The following EP400 variants were observed in gnomAD, a reference collection of about 807,000 sequenced individuals.
EP400 encodes E1A binding protein p400, also known as E1A-binding protein p400.
EP400 carries 105 observed loss-of-function variants against 354.1 expected under a neutral mutation model. The observed-to-expected ratio is 0.30, with a 90% CI of 0.25 to 0.35. The LOEUF (loss-of-function observed/expected upper bound fraction) is 0.35, where lower values mean the gene tolerates loss of function less well. Among genes scored for constraint, EP400 ranks in the 10% least tolerant of loss-of-function variants. EP400 has a pLI of 1.00. For missense variants in EP400, 3,280 were observed against 4,121.0 expected (o/e 0.80, Z 5.59); for synonymous variants, 1,646 against 1,716.9 (o/e 0.96, Z 1.02).
intron 2 of EP400, among the ~76,000 whole-genome samples, chr12:131,972,144 T>C (rs1218421702): frequency 6.9e-6 from 1 of 145,944 alleles, no homozygotes; most frequent in African/African-American, 2.7e-5. Flanking sequence ...TACTTTCTTT[T>C]TCTTTTTCTT....
rs2136586378 is a variant in EP400, at chr12:132,050,209, G to A, written c.7201-114G>A. The A allele has an allele frequency of 7.7e-7, 1 of 1,297,112 alleles. No homozygotes were observed. Among genetic ancestry groups the A allele is most frequent in the Non-Finnish European group, 1.1e-6 (1 of 939,710 alleles). The allele number at this position is 1,297,112 out of a possible 1,614,324, so 80.4% of individuals were successfully genotyped here. ...AAGAAGGCCCAGGAAAAGGAAGTTT[G>A]TGTTCAGCCATGGGGAGTTTAGCCT... On this transcript the variant is annotated intron_variant, in intron 39 of 52. Coordinates refer to ENST00000389561, the MANE Select transcript of EP400 (RefSeq NM_015409.5). This position sits in a 1 kb window ranked among gnomAD's most constrained non-coding sequence, Gnocchi z 4.8.
chr12:132,044,712 G>A lies in EP400; in HGVS notation c.6627G>A (p.Met2209Ile), dbSNP rs2136577599. ...ATGTCGATGGGCAGACAGAAGTCAT[G>A]CCGGTGAGTGCTGCCCTCTCCCTTT... Reference protein sequence around the residue: ...YEDVDGQTEVMPLWTPPTPPQ... With the variant: ...YEDVDGQTEVIPLWTPPTPPQ... The change falls in exon 36 of 53, where the codon ATG becomes ATA. Residue 2209 changes from methionine (M) to isoleucine (I), a missense_variant. Transcript: ENST00000389561. 6.2e-7 allele frequency: 1 copy of A among 1,614,194 alleles called. No homozygotes were observed. Among genetic ancestry groups the A allele is most frequent in the Admixed American group, 1.7e-5 (1 of 60,030 alleles).
At chr12:132,023,237 A>G (rs954750211) in intron 23 of EP400, among the ~76,000 whole-genome samples, 2 of 147,308 alleles carry the variant, frequency 1.4e-5, no homozygotes, top group Non-Finnish European at 3.0e-5. Flanking sequence ...GGTTCAAGCA[A>G]TTCTTCTGCC....
chr12:132,044,586 TA>T, intron 35 of EP400, 84 bp from the exon 36 acceptor site: 2 of 1,514,006 alleles, frequency 1.3e-6, no homozygotes, highest in Admixed American at 1.8e-5. Context: ...TTGAAAGACT[TA>T]ATGAGTATGA....
At chr12:131,978,350 G>A (rs1467034753) in intron 2 of EP400, among the ~76,000 whole-genome samples, 4 of 152,084 alleles carry the variant, frequency 2.6e-5, no homozygotes, top group Non-Finnish European at 5.9e-5. Context: ...GCATAGTACT[G>A]TAGTTTCACC....
chr12:131,979,404 C>T (rs546888125), intron 2 of EP400, among the ~76,000 whole-genome samples: 4 of 152,002 alleles, frequency 2.6e-5, no homozygotes, highest in Non-Finnish European at 4.4e-5. Flanking sequence ...CAGCATTAGC[C>T]CTTTTGTTGT....
At chr12:131,962,491 A>G (rs1015966461) in intron 2 of EP400, among the ~76,000 whole-genome samples, 3 of 152,252 alleles carry the variant, frequency 2.0e-5, no homozygotes, top group African/African-American at 7.2e-5. Flanking sequence ...ATGTATGTAT[A>G]TGGGACCTTC....
In EP400 at chr12:131,995,684, T is replaced by TC. The variant is rs1457761932; in HGVS notation, c.2827+730dup. On this transcript the variant is annotated intron_variant, in intron 12 of 52. Transcript: ENST00000389561. ...TGTGTGAGAACTTCACGTGAATGAATCCACCACAGCTTGACTGAATGTGCC... is the reference window on the plus strand; with the variant it reads ...TGTGTGAGAACTTCACGTGAATGAATCCCACCACAGCTTGACTGAATGTGCC... 1.5e-3 allele frequency among the ~76,000 whole-genome samples: 211 copies of TC among 144,134 alleles called. 2 individuals carry two copies. Among genetic ancestry groups the TC allele is most frequent in the African/African-American group, 5.5e-3 (206 of 37,348 alleles). 94.6% of individuals were successfully genotyped at this position (144,134 alleles called of 152,430 possible). A position where few individuals can be genotyped will look rare whatever the true frequency, so the allele number is the denominator to read the frequency against.
Position 131,972,452 on chromosome 12 carries a change from C to T in EP400, c.1336-7242C>T, listed in dbSNP as rs117572022. On this transcript the variant is annotated intron_variant, in intron 2 of 52. Coordinates refer to ENST00000389561, the MANE Select transcript of EP400 (RefSeq NM_015409.5). Reference sequence around the variant, plus strand: ...ACAGGCGTGAGCCACCGCACCTGGCCGAGTTTTATTACTAATAGCCAATTG... The same window carrying T: ...ACAGGCGTGAGCCACCGCACCTGGCTGAGTTTTATTACTAATAGCCAATTG... Among the ~76,000 whole-genome samples the T allele has an allele frequency of 7.2e-3, 1,087 of 151,942 alleles. 35 individuals are homozygous for T. In the South Asian group the frequency reaches 0.094, roughly 13 times the overall value.
chr12:132,014,191 G>C (rs1256920057), intron 19 of EP400, among the ~76,000 whole-genome samples: 1 of 152,206 alleles, frequency 6.6e-6, no homozygotes, highest in Non-Finnish European at 1.5e-5. Context: ...TCCCTGTGTT[G>C]CCCAGAGAAT....
Position 132,045,590 on chromosome 12 carries a change from T to C in EP400, c.7026+30T>C, listed in dbSNP as rs773937510. The C allele has an allele frequency of 1.9e-6, 3 of 1,610,400 alleles. No homozygotes were observed. In the East Asian group the frequency reaches 6.7e-5, roughly 36 times the overall value. ...GTGGGCGTGGTCTTTGTGCCAGCGGTCATGTGCGGTCATTTTTCTAACGCA... is the reference window on the plus strand; with the variant it reads ...GTGGGCGTGGTCTTTGTGCCAGCGGCCATGTGCGGTCATTTTTCTAACGCA... On this transcript the variant is annotated intron_variant, in intron 38 of 52. Coordinates refer to ENST00000389561, the MANE Select transcript of EP400 (RefSeq NM_015409.5).
rs369027468 is a variant in EP400 at position 132,025,051 on chromosome 12, C to CTT, written c.4856-585_4856-584dup. Among the ~76,000 whole-genome samples, 1 of 147,560 alleles carries CTT rather than the reference C, an allele frequency of 6.8e-6. No homozygotes were observed. Among genetic ancestry groups the CTT allele is most frequent in the Non-Finnish European group, 1.5e-5 (1 of 66,418 alleles). ...GAAACGATTCAGTCTGGTTTACTTCCTTTTTTTTTTTCTTAAAACAAAACA... is the reference window on the plus strand; with the variant it reads ...GAAACGATTCAGTCTGGTTTACTTCCTTTTTTTTTTTTTCTTAAAACAAAACA... On this transcript the variant is annotated intron_variant, in intron 24 of 52. Coordinates refer to ENST00000389561, the MANE Select transcript of EP400 (RefSeq NM_015409.5). The surrounding 1 kb of genome is among the most constrained non-coding windows in gnomAD (Gnocchi z 4.1).
chr12:132,026,380 T>C (rs1402974899), intron 25 of EP400, among the ~76,000 whole-genome samples: 1 of 152,150 alleles, frequency 6.6e-6, no homozygotes, highest in Non-Finnish European at 1.5e-5. Context: ...GGCCGAGTGG[T>C]GTCCATTCAG....
In EP400 at chr12:132,067,292, G is replaced by T; in HGVS notation, c.8750-70G>T. ...ATTTTCTGTAGAGGTGAGTCAGTTG[G>T]AACAGAGCTTGGCGTGAGCCTCAAG... On this transcript the variant is annotated intron_variant, in intron 49 of 52. Transcript: ENST00000389561. This position sits in a 1 kb window ranked among gnomAD's most constrained non-coding sequence, Gnocchi z 5.3. The T allele has an allele frequency of 6.4e-7, 1 of 1,573,214 alleles. No individual in the cohort carries two copies. The highest frequency in any genetic ancestry group is 1.2e-5 in the South Asian group (1 of 86,164).
At chr12:131,950,327 C>T (rs565692518) in intron 1 of EP400, among the ~76,000 whole-genome samples, 2 of 152,200 alleles carry the variant, frequency 1.3e-5, no homozygotes, top group East Asian at 3.9e-4. Flanking sequence ...GGGGGCGTGG[C>T]CGAGGGCAGC....
In EP400 at chr12:132,070,031, G is replaced by A. The variant is rs1896023785; in HGVS notation, c.9021+390G>A. Among the ~76,000 whole-genome samples, 1 of 152,070 alleles carries A rather than the reference G, an allele frequency of 6.6e-6. No individual in the cohort carries two copies. The highest frequency in any genetic ancestry group is 1.9e-4 in the East Asian group (1 of 5,188). ...TCTACCTGGTGTCTTTGGGAGAACT[G>A]AGTTCCTGATTTCATGTGTGCAGTG... On this transcript the variant is annotated intron_variant, in intron 51 of 52. Transcript: ENST00000389561. The surrounding 1 kb of genome is among the most constrained non-coding windows in gnomAD (Gnocchi z 4.1).
chr12:131,954,005 C>T (rs1416684557), intron 1 of EP400, among the ~76,000 whole-genome samples: 4 of 151,820 alleles, frequency 2.6e-5, no homozygotes, highest in African/African-American at 9.7e-5. Flanking sequence ...CCCAGCTACT[C>T]AGGAGGCTGA....
chr12:132,035,906 C>A (rs1325816539), intron 30 of EP400, among the ~76,000 whole-genome samples: 4 of 142,954 alleles, frequency 2.8e-5, no homozygotes, highest in Middle Eastern at 5.0e-3. Context: ...AAGGGCACAC[C>A]CAGGTTCACA....
chr12:132,018,422 C>A lies in EP400; in HGVS notation c.4277+46C>A. The A allele has an allele frequency of 6.4e-7, 1 of 1,559,942 alleles. No homozygotes were observed. Among genetic ancestry groups the A allele is most frequent in the Middle Eastern group, 1.9e-4 (1 of 5,318 alleles). On this transcript the variant is annotated intron_variant, in intron 21 of 52. Transcript: ENST00000389561. This position sits in a 1 kb window ranked among gnomAD's most constrained non-coding sequence, Gnocchi z 4.0. The stretch of plus-strand genomic sequence containing the variant: ...GCGGGGAGGGTTGGCTCCCAGGGCC[C>A]CCACAGCTGACCCAGGTCTATGCGT...
Sources: allele counts gnomAD v4.1 joint callset (sites outside exome capture counted in the v4.1 genomes callset), GRCh38; gene constraint gnomAD v4.1.1; non-coding constraint Gnocchi (gnomAD v3.1); transcripts MANE v1.5; gene names NCBI Gene and HGNC (gene_info 2026-07-23, HGNC 2026-07-21).